The following HIPK1 variants were observed in gnomAD, a reference collection of about 807,000 sequenced individuals.
HIPK1 encodes homeodomain interacting protein kinase 1.
A neutral mutation model predicts 117.1 loss-of-function variants in HIPK1; 28 were observed. That is an observed-to-expected ratio of 0.24 (90% CI 0.18 to 0.33). The LOEUF (loss-of-function observed/expected upper bound fraction) is 0.33. Among genes scored for constraint, HIPK1 ranks in the 10% least tolerant of loss-of-function variants. The pLI is 1.00. For missense variants in HIPK1, 1,122 were observed against 1,475.1 expected (o/e 0.76, Z 3.92); for synonymous variants, 605 against 562.5 (o/e 1.08, Z -1.07).
At chr1:113,960,908 G>T (rs1191739489) in intron 8 of HIPK1, among the ~76,000 whole-genome samples, 1 of 152,166 alleles carries the variant, frequency 6.6e-6, no homozygotes, top group Non-Finnish European at 1.5e-5. Flanking sequence ...GAAAACAGCA[G>T]TGTTAGGTCT....
intron 11 of HIPK1, 104 bp downstream of exon 11, chr1:113,966,376 T>G: frequency 9.2e-7 from 1 of 1,082,276 alleles, no homozygotes; most frequent in Non-Finnish European, 1.3e-6. Context: ...AAGGAAAATT[T>G]GACACTGTTG....
intron 11 of HIPK1, 119 bp from the exon 12 acceptor site, chr1:113,967,647 G>A (rs890566052): frequency 1.7e-6 from 1 of 578,204 alleles, no homozygotes; most frequent in Non-Finnish European, 2.9e-6. Context: ...GATGGTAGGT[G>A]CTCAACTTTA....
At chr1:113,963,647 T>C (rs1221212799) in intron 10 of HIPK1, 126 bp downstream of exon 10, 3 of 1,090,142 alleles carry the variant, frequency 2.8e-6, no homozygotes, top group Non-Finnish European at 2.6e-6. Context: ...TTTAGCTTAG[T>C]CTTTGCAGAG....
At chr1:113,966,527 A>AGTAT (rs111998392) in intron 11 of HIPK1, among the ~76,000 whole-genome samples, 12 of 152,340 alleles carry the variant, frequency 7.9e-5, no homozygotes, top group African/African-American at 2.6e-4. Flanking sequence ...GAAACCATAC[A>AGTAT]GTGAGATCCT....
chr1:113,946,658 A>G (rs1045014178), intron 2 of HIPK1, among the ~76,000 whole-genome samples: 1 of 152,198 alleles, frequency 6.6e-6, no homozygotes, highest in African/African-American at 2.4e-5. Flanking sequence ...CAAATCTTCA[A>G]AGTTACCCTT....
rs1484361694 is a variant in HIPK1 at position 113,977,347 on chromosome 1, G to A, written c.*3835G>A. Reference sequence around the variant, plus strand: ...AGCTTGAAAAATAATCTCACTACATGTAGCAGTACATTATATGTACATTAT... The same window carrying A: ...AGCTTGAAAAATAATCTCACTACATATAGCAGTACATTATATGTACATTAT... On this transcript the variant is annotated 3_prime_UTR_variant, in exon 16 of 16. Transcript: ENST00000426820. 6.6e-6 allele frequency: 1 copy of A among 152,370 alleles called. No individual in the cohort carries two copies. Among genetic ancestry groups the A allele is most frequent in the Non-Finnish European group, 1.5e-5 (1 of 67,988 alleles). 9.4% of individuals were successfully genotyped at this position (152,370 alleles called of 1,614,324 possible).
intron 5 of HIPK1, among the ~76,000 whole-genome samples, chr1:113,956,067 A>ATTTTTT (rs755763487): frequency 1.7e-4 from 16 of 91,826 alleles, no homozygotes; most frequent in Admixed American, 2.6e-4. Context: ...TACTTGTTCC[A>ATTTTTT]TTTTTTTTTT....
At chr1:113,963,279 A>G in intron 9 of HIPK1, 108 bp from the exon 10 acceptor site, 1 of 1,277,892 alleles carries the variant, frequency 7.8e-7, no homozygotes, top group East Asian at 2.3e-5. Context: ...AGATGCTATC[A>G]AATTACTGTT....
chr1:113,963,321 A>G lies in HIPK1; in HGVS notation c.2104-66A>G, dbSNP rs186604186. ...CAGTAATAACTTGGGGGGAATGAGA[A>G]CCCTTCTGAATCCAGATATCCTGCC... On this transcript the variant is annotated intron_variant, in intron 9 of 15. Transcript: ENST00000426820. 10 of 1,567,116 alleles carry G rather than the reference A, an allele frequency of 6.4e-6. No homozygotes were observed. The East Asian group carries it at 2.3e-4, about 35-fold the overall frequency.
chr1:113,969,045 G>T (rs1386040410), intron 13 of HIPK1, among the ~76,000 whole-genome samples: 1 of 152,120 alleles, frequency 6.6e-6, no homozygotes, highest in African/African-American at 2.4e-5. Flanking sequence ...AAAAAAAAGG[G>T]CCGAAGAAAA....
chr1:113,973,797 C>T lies in HIPK1; in HGVS notation c.*285C>T, dbSNP rs954383814. The T allele has an allele frequency of 1.5e-5, 4 of 273,480 alleles. No homozygotes were observed. The highest frequency in any genetic ancestry group is 2.7e-5 in the Non-Finnish European group (4 of 147,566). 16.9% of individuals were successfully genotyped at this position (273,480 alleles called of 1,614,324 possible). Reference sequence around the variant, plus strand: ...TCAGATGCCCATCTTCTGCAGTTACCAAGGAAGAGAGATTGTTCTGAAGTT... The same window carrying T: ...TCAGATGCCCATCTTCTGCAGTTACTAAGGAAGAGAGATTGTTCTGAAGTT... On this transcript the variant is annotated 3_prime_UTR_variant, in exon 16 of 16. Transcript: ENST00000426820.
chr1:113,943,639 T>C (rs1393550275), intron 2 of HIPK1, among the ~76,000 whole-genome samples: 2 of 152,230 alleles, frequency 1.3e-5, no homozygotes, highest in African/African-American at 2.4e-5. Context: ...TTTGGGGATA[T>C]AGCTAGGAGT....
At chr1:113,963,324 C>T in intron 9 of HIPK1, 63 bp from the exon 10 acceptor site, 1 of 1,585,344 alleles carries the variant, frequency 6.3e-7, no homozygotes, top group Non-Finnish European at 8.6e-7. Flanking sequence ...AATGAGAACC[C>T]TTCTGAATCC....
rs760069394 is a variant in HIPK1, at chr1:113,955,644, G to A, written c.1402G>A (p.Ala468Thr). 6.4e-7 allele frequency: 1 copy of A among 1,573,816 alleles called. No individual in the cohort carries two copies. Among genetic ancestry groups the A allele is most frequent in the African/African-American group, 1.4e-5 (1 of 73,974 alleles). The change falls in exon 5 of 16, where the codon GCT (alanine) becomes ACT (threonine). Residue 468 changes from alanine to threonine, a missense_variant. Around this residue, in one of 6 missense-constraint regions of HIPK1, gnomAD observed 127 missense variants for 197.9 expected, o/e 0.64. Coordinates refer to ENST00000426820, the MANE Select transcript of HIPK1 (RefSeq NM_198268.3). ...KYIFNCLDDMAQVNMSTDLEG... is the reference protein window; with the variant it reads ...KYIFNCLDDMTQVNMSTDLEG... ...CATTTTTAATTGCTTAGATGACATGGCTCAGGTGAGTACGGAAAGTTTCAG... is the reference window on the plus strand; with the variant it reads ...CATTTTTAATTGCTTAGATGACATGACTCAGGTGAGTACGGAAAGTTTCAG...
chr1:113,969,467 G>A (rs1189573366), intron 13 of HIPK1, among the ~76,000 whole-genome samples: 1 of 152,168 alleles, frequency 6.6e-6, no homozygotes, highest in Non-Finnish European at 1.5e-5. Flanking sequence ...TAAGGATTCA[G>A]TGAGATGTAT....
At chr1:113,968,102 C>T (rs1454070086) in intron 12 of HIPK1, among the ~76,000 whole-genome samples, 154 bp downstream of exon 12, 1 of 152,254 alleles carries the variant, frequency 6.6e-6, no homozygotes, top group Non-Finnish European at 1.5e-5. Context: ...TGGGCATGTA[C>T]ACCAGGTGTG....
Position 113,956,730 on chromosome 1 carries a change from A to T in HIPK1, c.1511A>T (p.Asp504Val), listed in dbSNP as rs994662577. The T allele has an allele frequency of 2.5e-6, 4 of 1,613,946 alleles. No individual in the cohort carries two copies. The highest frequency in any genetic ancestry group is 3.4e-6 in the Non-Finnish European group (4 of 1,179,906). Residue 504 changes from aspartate to valine, a missense_variant, in exon 6 of 16, where the codon GAT becomes GTT. Physicochemically the swap from Asp to Val is radical, Grantham distance 152 (BLOSUM62 -3). Coordinates refer to ENST00000426820, the MANE Select transcript of HIPK1 (RefSeq NM_198268.3). Reference sequence around the variant, plus strand: ...AAGAAAATGCTCACAATTGATGCAGATAAGAGAATTACCCCTCTAAAAACT... The same window carrying T: ...AAGAAAATGCTCACAATTGATGCAGTTAAGAGAATTACCCCTCTAAAAACT... The part of the protein sequence containing the change: ...LLKKMLTIDA[D>V]KRITPLKTLN...
chr1:113,945,909 G>A (rs1051194920), intron 2 of HIPK1, among the ~76,000 whole-genome samples: 1 of 152,158 alleles, frequency 6.6e-6, no homozygotes, highest in African/African-American at 2.4e-5. Context: ...ATTAAGGATA[G>A]CGATGAATCT....
chr1:113,956,013 T>G (rs1671692014), intron 5 of HIPK1, among the ~76,000 whole-genome samples: 1 of 151,338 alleles, frequency 6.6e-6, no homozygotes, highest in Non-Finnish European at 1.5e-5. Flanking sequence ...TTTTCAACAG[T>G]AGAAGCTTTT....
Sources: gnomAD v4.1 joint callset for allele counts (sites outside exome capture counted in the v4.1 genomes callset) on GRCh38, gnomAD v4.1.1 for gene constraint, gnomAD v4.1.1 regional missense constraint, MANE v1.5 for transcripts, NCBI Gene and HGNC (gene_info 2026-07-23, HGNC 2026-07-21) for gene names.